The following RELN variants were observed in gnomAD, a reference collection of about 807,000 sequenced individuals.
RELN encodes reelin.
RELN carries 108 observed loss-of-function variants against 427.6 expected under a neutral mutation model. The ratio of observed to expected loss-of-function variants is 0.25; its 90% CI spans 0.22 to 0.30. RELN has a LOEUF of 0.30. RELN is among the 10% of genes least tolerant of loss of function. The pLI, the probability that RELN is intolerant of heterozygous loss-of-function variation, is 1.00. For synonymous variants in RELN, 1,524 were observed against 1,513.4 expected (o/e 1.01, Z -0.16); for missense variants, 3,715 against 4,302.8 (o/e 0.86, Z 3.82).
At chr7:103,818,515 C>T (rs1792937176) in intron 3 of RELN, among the ~76,000 whole-genome samples, 1 of 152,074 alleles carries the variant, frequency 6.6e-6, no homozygotes, top group Non-Finnish European at 1.5e-5. Context: ...TGATACTGGC[C>T]TTGATACAAA....
intron 2 of RELN, among the ~76,000 whole-genome samples, chr7:103,842,362 T>C (rs1392233150): frequency 6.6e-6 from 1 of 152,186 alleles, no homozygotes; most frequent in Non-Finnish European, 1.5e-5. Flanking sequence ...TTTTTATCCC[T>C]CTTTAATCTG....
rs559540282 is a variant in RELN, at chr7:103,573,646, A to T, written c.4511+446T>A. On this transcript the variant is annotated intron_variant, in intron 30 of 64. Coordinates refer to ENST00000428762, the MANE Select transcript of RELN (RefSeq NM_005045.4). This position sits in a 1 kb window ranked among gnomAD's most constrained non-coding sequence, Gnocchi z 4.4. ...TAAAAACCAAACAGTTCTTTATTTTACCAGTAGGTGTCAGTGTAGGCATTT... is the reference window on the plus strand; with the variant it reads ...TAAAAACCAAACAGTTCTTTATTTTTCCAGTAGGTGTCAGTGTAGGCATTT... 6.6e-6 allele frequency among the ~76,000 whole-genome samples: 1 copy of T among 152,204 alleles called. No homozygotes were observed. Among genetic ancestry groups the T allele is most frequent in the African/African-American group, 2.4e-5 (1 of 41,448 alleles).
chr7:103,602,652 AG>A (rs1339416735), intron 24 of RELN, among the ~76,000 whole-genome samples: 1 of 152,102 alleles, frequency 6.6e-6, no homozygotes, highest in Admixed American at 6.6e-5. Flanking sequence ...GGCCACAGGG[AG>A]GGGAACATCA....
At chr7:103,704,293 G>A (rs1042321741) in intron 8 of RELN, among the ~76,000 whole-genome samples, 3 of 152,090 alleles carry the variant, frequency 2.0e-5, no homozygotes, top group African/African-American at 7.2e-5. Context: ...TCCTTTGTAT[G>A]ATCAAGTATA....
chr7:103,676,553 G>A (rs975483339), intron 11 of RELN, among the ~76,000 whole-genome samples: 1 of 152,146 alleles, frequency 6.6e-6, no homozygotes, highest in African/African-American at 2.4e-5. Context: ...TATACCCAAA[G>A]GATTATAAAT....
chr7:103,893,635 T>C (rs1029235279), intron 2 of RELN, among the ~76,000 whole-genome samples: 12 of 152,180 alleles, frequency 7.9e-5, no homozygotes, highest in Non-Finnish European at 1.6e-4. Context: ...TGGAGAGACC[T>C]TTTAAAGCAG....
At chr7:103,829,534 TA>T in intron 3 of RELN, among the ~76,000 whole-genome samples, 1 of 152,136 alleles carries the variant, frequency 6.6e-6, no homozygotes. Context: ...AATTAACACT[TA>T]AAATATAAAT....
chr7:103,676,482 C>A (rs546811363), intron 11 of RELN, among the ~76,000 whole-genome samples: 1 of 152,168 alleles, frequency 6.6e-6, no homozygotes, highest in Non-Finnish European at 1.5e-5. Context: ...GACAATGTGG[C>A]AATTCCTCAA....
At chr7:103,714,235 A>C (rs548856901) in intron 8 of RELN, among the ~76,000 whole-genome samples, 1 of 152,332 alleles carries the variant, frequency 6.6e-6, no homozygotes, top group East Asian at 1.9e-4. Flanking sequence ...TTAATGTTTA[A>C]ATTTTATAAA....
At position 103,483,700 on chromosome 7, in the gene RELN, C is replaced by T; in HGVS notation, c.10134G>A (p.Gln3378=). ...TCTGAGCTTGTGTGAAGTCCTTTGGCTGGTGCTGGGCGATGACATGCCAGG... is the reference window on the plus strand; with the variant it reads ...TCTGAGCTTGTGTGAAGTCCTTTGGTTGGTGCTGGGCGATGACATGCCAGG... The part of the protein sequence containing the change: ...GITWHVIAQH[Q]PKDFTQAQRV... Residue 3378 remains glutamine (Q), a synonymous_variant, in exon 62 of 65, where the codon CAG becomes CAA. Transcript: ENST00000428762. The T allele has an allele frequency of 2.5e-6, 4 of 1,614,174 alleles. No individual in the cohort carries two copies. Among genetic ancestry groups the T allele is most frequent in the Non-Finnish European group, 2.5e-6 (3 of 1,180,034 alleles).
At chr7:103,610,946 C>A in intron 21 of RELN, 139 bp from the exon 22 acceptor site, 1 of 680,162 alleles carries the variant, frequency 1.5e-6, no homozygotes, top group South Asian at 1.6e-5. Context: ...TGGAAACAAT[C>A]CATGATTTTT....
At chr7:103,682,877 A>G (rs28704671) in intron 10 of RELN, among the ~76,000 whole-genome samples, 2,801 of 152,284 alleles carry the variant, frequency 0.018, 104 homozygotes, top group African/African-American at 0.064. Flanking sequence ...GTTAATCCCC[A>G]AAAGAACACA....
intron 2 of RELN, among the ~76,000 whole-genome samples, chr7:103,833,959 C>A (rs1057440889): frequency 2.0e-5 from 3 of 152,174 alleles, no homozygotes; most frequent in African/African-American, 7.2e-5. Context: ...CCAGGACCAA[C>A]CTGCAGTTGA....
Position 103,574,277 on chromosome 7 carries a change from T to C in RELN, c.4326A>G (p.Ser1442=). The change falls in exon 30 of 65, where the codon TCA becomes TCG. Residue 1442 remains serine (S), a synonymous_variant. Transcript: ENST00000428762. ...ACATCTCATTGTGATTGGGGACATT[T>C]GACACACAGGTTCCTTGTGCAGCTT... The part of the protein sequence containing the change: ...GYTAAQGTCV[S]NVPNHNEMFD... 1 of 1,614,100 alleles carries C rather than the reference T, an allele frequency of 6.2e-7. No homozygotes were observed.
chr7:103,565,347 C>T lies in RELN; in HGVS notation c.5141G>A (p.Ser1714Asn). ...GAATCTTTCCGAGGTGTAAATTGAA[C>T]TTTCCGTGTAATGCAGACAGCCAAT... ...PTIGCLHYTE[S>N]SIYTSERFQN... The change falls in exon 34 of 65, where the codon AGT (serine) becomes AAT (asparagine). Residue 1714 changes from serine (S) to asparagine (N), a missense_variant. Coordinates refer to ENST00000428762, the MANE Select transcript of RELN (RefSeq NM_005045.4). 6.2e-7 allele frequency: 1 copy of T among 1,614,116 alleles called. No individual in the cohort carries two copies. The highest frequency in any genetic ancestry group is 8.5e-7 in the Non-Finnish European group (1 of 1,180,000).
At chr7:103,562,468 T>C (rs1184639743) in intron 34 of RELN, among the ~76,000 whole-genome samples, 1 of 152,224 alleles carries the variant, frequency 6.6e-6, no homozygotes, top group African/African-American at 2.4e-5. Context: ...TCTGGCTTTC[T>C]AAAGCTGAGG....
chr7:103,643,243 TTAGCTATTG>T (rs1832729286), intron 16 of RELN, among the ~76,000 whole-genome samples: 1 of 152,110 alleles, frequency 6.6e-6, no homozygotes, highest in Non-Finnish European at 1.5e-5. Context: ...CTAAATTTGC[TTAGCTATTG>T]ACATTTTGTC....
rs895578526 is a variant in RELN at position 103,548,554 on chromosome 7, A to G, written c.6302+2513T>C. Among the ~76,000 whole-genome samples the G allele has an allele frequency of 2.0e-5, 3 of 152,380 alleles. No individual in the cohort carries two copies. The East Asian group carries it at 5.8e-4, about 29-fold the overall frequency. On this transcript the variant is annotated intron_variant, in intron 41 of 64. Coordinates refer to ENST00000428762, the MANE Select transcript of RELN (RefSeq NM_005045.4). Reference sequence around the variant, plus strand: ...TCTCTTCACAGAAATGGTTGAAGGCAGTTTGAAACGTGGGTTTATACCATT... The same window carrying G: ...TCTCTTCACAGAAATGGTTGAAGGCGGTTTGAAACGTGGGTTTATACCATT...
In RELN at chr7:103,664,125, G is replaced by A. The variant is rs1398386754; in HGVS notation, c.1290-2598C>T. On this transcript the variant is annotated intron_variant, in intron 11 of 64. Coordinates refer to ENST00000428762, the MANE Select transcript of RELN (RefSeq NM_005045.4). ...TATTTATAGCACACCACATTCAAGA[G>A]GACTCTGAAGCTAGTCAAACAAAAA... Among the ~76,000 whole-genome samples the A allele has an allele frequency of 2.0e-5, 3 of 152,272 alleles. No homozygotes were observed. The East Asian group carries it at 5.8e-4, about 29-fold the overall frequency.
Sources: gnomAD v4.1 joint callset for allele counts (sites outside exome capture counted in the v4.1 genomes callset) on GRCh38, gnomAD v4.1.1 for gene constraint, Gnocchi (gnomAD v3.1) non-coding constraint, MANE v1.5 for transcripts, NCBI Gene and HGNC (gene_info 2026-07-23, HGNC 2026-07-21) for gene names.